Variants in THSD7B observed in about 807,000 individuals in gnomAD.
The protein encoded by THSD7B is thrombospondin type 1 domain containing 7B, also known as thrombospondin type-1 domain-containing protein 7B.
A neutral mutation model predicts 213.6 loss-of-function variants in THSD7B; 138 were observed. The ratio of observed to expected loss-of-function variants is 0.65; its 90% confidence interval spans 0.56 to 0.74. The LOEUF is 0.74. THSD7B is among the 30% of genes least tolerant of loss of function. The pLI, the probability that THSD7B is intolerant of heterozygous loss-of-function variation, is 0.00. For synonymous variants in THSD7B, 742 were observed against 687.0 expected (o/e 1.08, Z -1.25); for missense variants, 1,931 against 1,991.5 (o/e 0.97, Z 0.58).
At chr2:137,492,757 T>C (rs1679450215) in intron 15 of THSD7B, among the ~76,000 whole-genome samples, 1 of 152,072 alleles carries the variant, frequency 6.6e-6, no homozygotes, top group Non-Finnish European at 1.5e-5. Context: ...AATTAGCACG[T>C]TAATAAATAA....
At chr2:137,092,460 A>G (rs889562390) in intron 3 of THSD7B, among the ~76,000 whole-genome samples, 6 of 152,106 alleles carry the variant, frequency 3.9e-5, no homozygotes, top group Non-Finnish European at 8.8e-5. Flanking sequence ...ATTGGACCAG[A>G]GGAAGATTTA....
chr2:137,205,599 C>T (rs968321628), intron 7 of THSD7B, among the ~76,000 whole-genome samples: 5 of 151,936 alleles, frequency 3.3e-5, no homozygotes, highest in Admixed American at 2.6e-4. Context: ...TGTGAGGCCT[C>T]TGCAATATTA....
intron 1 of THSD7B, among the ~76,000 whole-genome samples, chr2:136,853,427 T>G (rs1445289944): frequency 1.3e-5 from 2 of 152,158 alleles, no homozygotes; most frequent in African/African-American, 4.8e-5. Flanking sequence ...TGTTTCCCCA[T>G]GACCAAACTC....
intron 10 of THSD7B, among the ~76,000 whole-genome samples, chr2:137,266,772 C>T (rs1025798553): frequency 1.1e-4 from 17 of 152,300 alleles, no homozygotes; most frequent in African/African-American, 4.1e-4. Context: ...CCTGGCCACA[C>T]GTTCATCTCC....
chr2:137,612,556 T>G (rs1207443277), intron 17 of THSD7B, among the ~76,000 whole-genome samples: 1 of 152,178 alleles, frequency 6.6e-6, no homozygotes, highest in Non-Finnish European at 1.5e-5. Flanking sequence ...TCCAGTCTTG[T>G]GCCAACAATG....
chr2:137,484,255 G>A (rs1235164987), intron 15 of THSD7B, among the ~76,000 whole-genome samples: 2 of 149,744 alleles, frequency 1.3e-5, no homozygotes, highest in Non-Finnish European at 3.0e-5. Context: ...CCAACTATGA[G>A]TGAGAATATG....
At chr2:137,206,638 G>C (rs185911204) in intron 7 of THSD7B, among the ~76,000 whole-genome samples, 1 of 152,134 alleles carries the variant, frequency 6.6e-6, no homozygotes, top group Admixed American at 6.5e-5. Flanking sequence ...AACAGGTCCA[G>C]GTGGGAATAG....
chr2:137,064,789 T>C (rs13004428), intron 3 of THSD7B, among the ~76,000 whole-genome samples: 14,564 of 152,080 alleles, frequency 0.096, 944 homozygotes, highest in African/African-American at 0.18. Context: ...ATGTTCTTGA[T>C]ACCTTTGTCA....
At chr2:136,897,837 G>A (rs114779269) in intron 2 of THSD7B, among the ~76,000 whole-genome samples, 1,946 of 151,582 alleles carry the variant, frequency 0.013, 58 homozygotes, top group African/African-American at 0.045. Flanking sequence ...GACACAGAAC[G>A]CTGTTTGGTG....
At chr2:137,645,429 A>G (rs1392122922) in intron 21 of THSD7B, among the ~76,000 whole-genome samples, 2 of 152,190 alleles carry the variant, frequency 1.3e-5, no homozygotes, top group Non-Finnish European at 2.9e-5. Context: ...TTCAGGCCCT[A>G]GTGTGTAAAA....
Position 136,832,175 on chromosome 2 carries a change from T to TTGTG in THSD7B, c.-35-49945_-35-49942dup, listed in dbSNP as rs376949671. Among the ~76,000 whole-genome samples, 477 of 72,976 alleles carry TTGTG rather than the reference T, an allele frequency of 6.5e-3. 5 individuals are homozygous for TTGTG. Among genetic ancestry groups the TTGTG allele is most frequent in the Admixed American group, 0.016 (108 of 6,834 alleles). The allele number at this position is 72,976 out of a possible 152,430, so 47.9% of individuals were successfully genotyped here. On this transcript the variant is annotated intron_variant, in intron 1 of 27. Coordinates refer to ENST00000409968, the MANE Select transcript of THSD7B (RefSeq NM_001316349.2). ...CAGAATCAATAGGATATACATCCTA[T>TTGTG]TGTGTGTGTGTGTGTGTGTGTGTGT...
At chr2:136,897,503 C>T (rs936531944) in intron 2 of THSD7B, among the ~76,000 whole-genome samples, 7 of 152,060 alleles carry the variant, frequency 4.6e-5, no homozygotes, top group Admixed American at 1.3e-4. Context: ...CGCAGACCCT[C>T]GTGGTGAGTG....
At chr2:136,998,308 A>G (rs1685934119) in intron 2 of THSD7B, among the ~76,000 whole-genome samples, 1 of 151,894 alleles carries the variant, frequency 6.6e-6, no homozygotes, top group Admixed American at 6.6e-5. Flanking sequence ...AGACAAGACA[A>G]GACACCTTTA....
chr2:137,342,930 T>G (rs2104909640), intron 12 of THSD7B, among the ~76,000 whole-genome samples: 1 of 151,880 alleles, frequency 6.6e-6, no homozygotes, highest in South Asian at 2.1e-4. Context: ...GAATTCAGTT[T>G]GCAAGTTTTT....
At chr2:137,252,278 A>AAC (rs1553482943) in intron 10 of THSD7B, among the ~76,000 whole-genome samples, 2 of 150,180 alleles carry the variant, frequency 1.3e-5, no homozygotes, top group African/African-American at 5.0e-5. Flanking sequence ...AAAAAAAAAA[A>AAC]AAAAAAAAAA....
intron 7 of THSD7B, among the ~76,000 whole-genome samples, chr2:137,217,369 C>T (rs1050291843): frequency 6.6e-6 from 1 of 152,152 alleles, no homozygotes; most frequent in Middle Eastern, 3.2e-3. Flanking sequence ...TTATTATTAC[C>T]AACACATAGT....
intron 15 of THSD7B, among the ~76,000 whole-genome samples, chr2:137,485,897 G>A (rs1195107810): frequency 2.0e-5 from 3 of 152,080 alleles, no homozygotes; most frequent in African/African-American, 7.2e-5. Context: ...GCCAAACTAA[G>A]CTTCATAAGT....
intron 12 of THSD7B, among the ~76,000 whole-genome samples, chr2:137,387,140 C>A (rs182053666): frequency 3.3e-5 from 5 of 152,204 alleles, no homozygotes; most frequent in African/African-American, 1.2e-4. Flanking sequence ...GAACTCAGTT[C>A]TCTGTGTTAT....
At chr2:137,264,247 C>CT (rs201121736) in intron 10 of THSD7B, among the ~76,000 whole-genome samples, 1,844 of 139,924 alleles carry the variant, frequency 0.013, 15 homozygotes, top group African/African-American at 0.029. Context: ...TAGAAACAGC[C>CT]TTTTTTTTTT....
Sources: gnomAD v4.1 joint callset for allele counts (sites outside exome capture counted in the v4.1 genomes callset) on GRCh38, gnomAD v4.1.1 for gene constraint, MANE v1.5 for transcripts, NCBI Gene and HGNC (gene_info 2026-07-23, HGNC 2026-07-21) for gene names.